AKAP6: variants seen among roughly 807,000 people sequenced by gnomAD.
AKAP6 encodes the protein A-kinase anchoring protein 6, also known as A-kinase anchor protein 6.
AKAP6 carries 58 observed loss-of-function variants against 188.5 expected under a neutral mutation model. The ratio of observed to expected loss-of-function variants is 0.31; its 90% CI spans 0.25 to 0.38. The LOEUF is 0.38. Among genes scored for constraint, AKAP6 ranks in the 10% least tolerant of loss-of-function variants. The pLI is 1.00. For missense variants in AKAP6, 2,710 were observed against 2,740.0 expected (o/e 0.99, Z 0.24); for synonymous variants, 989 against 998.6 (o/e 0.99, Z 0.18).
intron 1 of AKAP6, among the ~76,000 whole-genome samples, chr14:32,418,468 G>A (rs935086033): frequency 6.6e-6 from 1 of 152,100 alleles, no homozygotes; most frequent in Non-Finnish European, 1.5e-5. Flanking sequence ...ATGGCTGATG[G>A]GTCTTTGCTT....
In AKAP6 at chr14:32,718,424, G is replaced by A. The variant is rs534811094; in HGVS notation, c.3001-14030G>A. ...AAACAAAAAGGCCCAAGGGGTCAGG[G>A]GATGGGTAGAACAGAATGGTTTTTA... On this transcript the variant is annotated intron_variant, in intron 9 of 13. Transcript: ENST00000280979. The A allele has an allele frequency of 8.1e-6, 5 of 617,454 alleles. No individual in the cohort carries two copies. In the African/African-American group the frequency reaches 1.0e-4, roughly 12 times the overall value. 38.2% of individuals were successfully genotyped at this position (617,454 alleles called of 1,614,324 possible).
chr14:32,822,410 T>G lies in AKAP6; in HGVS notation c.4597T>G (p.Ser1533Ala), dbSNP rs747945307. 1.2e-6 allele frequency: 2 copies of G among 1,613,872 alleles called. No individual in the cohort carries two copies. The highest frequency in any genetic ancestry group is 2.7e-5 in the African/African-American group (2 of 74,900). Residue 1533 changes from serine to alanine, a missense_variant, in exon 13 of 14, where the codon TCT (serine) becomes GCT (alanine). Physicochemically the swap from Ser to Ala is moderately conservative, Grantham distance 99. This residue lies in a region of AKAP6 where 2,473 missense variants were observed against 2,426.1 expected (regional missense o/e 1.02). Transcript: ENST00000280979. ...PPHERILASA[S>A]HEMDRISYKS... ...CCATGAAAGGATTTTGGCAAGTGCA[T>G]CTCATGAAATGGATCGCATTTCATA...
chr14:32,440,041 G>C (rs1255457279), intron 2 of AKAP6, among the ~76,000 whole-genome samples: 1 of 152,088 alleles, frequency 6.6e-6, no homozygotes, highest in Non-Finnish European at 1.5e-5. Flanking sequence ...GTGAAATAAA[G>C]AGCTAAACAA....
At chr14:32,415,210 A>AT (rs1270246610) in intron 1 of AKAP6, among the ~76,000 whole-genome samples, 1 of 152,178 alleles carries the variant, frequency 6.6e-6, no homozygotes, top group Non-Finnish European at 1.5e-5. Context: ...CTACAGTGCT[A>AT]TTGTAAGCAG....
intron 12 of AKAP6, among the ~76,000 whole-genome samples, chr14:32,816,390 C>A (rs2034378488): frequency 6.6e-6 from 1 of 152,106 alleles, no homozygotes; most frequent in African/African-American, 2.4e-5. Flanking sequence ...GAGACAGTGT[C>A]TCACTATGTT....
chr14:32,367,030 ACTC>A, intron 1 of AKAP6, among the ~76,000 whole-genome samples: 1 of 151,206 alleles, frequency 6.6e-6, no homozygotes, highest in South Asian at 2.1e-4. Flanking sequence ...GCATTATAAA[ACTC>A]CTTGCTGCGG....
intron 7 of AKAP6, among the ~76,000 whole-genome samples, chr14:32,660,381 A>G (rs987775548): frequency 6.6e-6 from 1 of 152,126 alleles, no homozygotes; most frequent in African/African-American, 2.4e-5. Context: ...AAAGAAATTG[A>G]GAACAGCTGG....
chr14:32,579,233 G>A (rs570819890), intron 5 of AKAP6, among the ~76,000 whole-genome samples: 1 of 152,114 alleles, frequency 6.6e-6, no homozygotes, highest in Non-Finnish European at 1.5e-5. Context: ...CCCAAAATGT[G>A]GAAGTTATTC....
intron 4 of AKAP6, among the ~76,000 whole-genome samples, chr14:32,551,412 A>G (rs1405825674): frequency 2.0e-5 from 3 of 151,692 alleles, no homozygotes; most frequent in Non-Finnish European, 2.9e-5. Flanking sequence ...TCTCTACTAA[A>G]TAAACAAAAA....
chr14:32,825,228 C>A (rs1446685709), intron 13 of AKAP6, among the ~76,000 whole-genome samples: 1 of 152,168 alleles, frequency 6.6e-6, no homozygotes, highest in Non-Finnish European at 1.5e-5. Flanking sequence ...TCAGTGCCTG[C>A]AGATGAACAA....
At chr14:32,750,996 A>G (rs2032113396) in intron 11 of AKAP6, among the ~76,000 whole-genome samples, 1 of 151,730 alleles carries the variant, frequency 6.6e-6, no homozygotes, top group East Asian at 1.9e-4. Flanking sequence ...GGCCTCTCAA[A>G]GTGCTGGGAT....
At chr14:32,570,419 G>C (rs1416315210) in intron 4 of AKAP6, among the ~76,000 whole-genome samples, 1 of 151,948 alleles carries the variant, frequency 6.6e-6, no homozygotes, top group Non-Finnish European at 1.5e-5. Flanking sequence ...TGGGATTACA[G>C]GTGTGAGCCA....
intron 11 of AKAP6, among the ~76,000 whole-genome samples, chr14:32,751,498 C>CTTTTTTTT (rs71432082): frequency 8.2e-5 from 10 of 122,528 alleles, no homozygotes; most frequent in Non-Finnish European, 1.3e-4. Flanking sequence ...TCTCTTTTCA[C>CTTTTTTTT]TTTTTTTTTT....
chr14:32,635,744 TAAAG>T (rs1170139027), intron 7 of AKAP6, among the ~76,000 whole-genome samples: 1 of 152,118 alleles, frequency 6.6e-6, no homozygotes, highest in African/African-American at 2.4e-5. Flanking sequence ...AATAAACACA[TAAAG>T]AATGTTGAAA....
chr14:32,511,764 A>C (rs771210447), intron 2 of AKAP6, among the ~76,000 whole-genome samples: 4 of 152,056 alleles, frequency 2.6e-5, no homozygotes, highest in Admixed American at 6.6e-5. Context: ...CACTGAGCTA[A>C]ACTGAGTGCT....
chr14:32,591,137 C>A (rs1885468416), intron 5 of AKAP6, among the ~76,000 whole-genome samples: 1 of 152,176 alleles, frequency 6.6e-6, no homozygotes, highest in South Asian at 2.1e-4. Flanking sequence ...TCTGTAGGGG[C>A]TGCTGCACAT....
intron 2 of AKAP6, among the ~76,000 whole-genome samples, chr14:32,465,458 C>T (rs903020973): frequency 2.0e-5 from 3 of 152,028 alleles, no homozygotes; most frequent in South Asian, 2.1e-4. Flanking sequence ...AACTGATCTT[C>T]GACAAACCTG....
rs548710848 is a variant in AKAP6, at chr14:32,830,101, C to G, written c.*296C>G. 2.1e-5 allele frequency: 13 copies of G among 615,836 alleles called. No individual in the cohort carries two copies. Among genetic ancestry groups the G allele is most frequent in the Middle Eastern group, 2.5e-4 (1 of 3,942 alleles). The allele number at this position is 615,836 out of a possible 1,614,324, so 38.1% of individuals were successfully genotyped here. ...GTCCCAAGCTACCTCTACCAACCCT[C>G]TCTCTCCAGCTAGACTTTTCTCTTT... On this transcript the variant is annotated 3_prime_UTR_variant, in exon 14 of 14. Transcript: ENST00000280979.
chr14:32,417,336 C>G (rs887378480), intron 1 of AKAP6, among the ~76,000 whole-genome samples: 3 of 151,974 alleles, frequency 2.0e-5, no homozygotes. Flanking sequence ...AAATATAAAT[C>G]TTGTTATGCG....
Sources: gnomAD v4.1 joint callset for allele counts (sites outside exome capture counted in the v4.1 genomes callset) on GRCh38, gnomAD v4.1.1 for gene constraint, gnomAD v4.1.1 regional missense constraint, MANE v1.5 for transcripts, NCBI Gene and HGNC (gene_info 2026-07-23, HGNC 2026-07-21) for gene names.